The following AP2A2 variants were observed in gnomAD, a reference collection of about 807,000 sequenced individuals.
AP2A2 encodes AP-2 complex subunit alpha-2.
In AP2A2, 32 loss-of-function variants were observed where a neutral mutation model predicts 104.2. The ratio of observed to expected loss-of-function variants is 0.31; its 90% confidence interval spans 0.23 to 0.41. The LOEUF (loss-of-function observed/expected upper bound fraction) is 0.41. Among genes scored for constraint, AP2A2 ranks in the 10% least tolerant of loss-of-function variants. AP2A2 has a pLI of 1.00. For synonymous variants in AP2A2, 539 were observed against 533.3 expected (o/e 1.01, Z -0.15); for missense variants, 912 against 1,261.0 (o/e 0.72, Z 4.19).
In AP2A2 at chr11:984,749, C is replaced by G; in HGVS notation, c.810C>G (p.Pro270=). The change falls in exon 7 of 22, where the codon CCC becomes CCG. Residue 270 remains proline, a synonymous_variant. Coordinates refer to ENST00000448903, the MANE Select transcript of AP2A2 (RefSeq NM_012305.4). ...KLLRLLQCYP[P]PDPAVRGRLT... is the part of the protein sequence containing the mutation. Reference sequence around the variant, plus strand: ...TGAGACTGCTGCAGTGCTACCCACCCCCAGGTAACGCGCAGGCCGCGGCTC... The same window carrying G: ...TGAGACTGCTGCAGTGCTACCCACCGCCAGGTAACGCGCAGGCCGCGGCTC... 6.2e-7 allele frequency: 1 copy of G among 1,609,090 alleles called. No homozygotes were observed. The highest frequency in any genetic ancestry group is 8.5e-7 in the Non-Finnish European group (1 of 1,176,590).
intron 5 of AP2A2, among the ~76,000 whole-genome samples, chr11:979,936 A>T (rs879260644): frequency 5.3e-5 from 8 of 152,212 alleles, no homozygotes; most frequent in Non-Finnish European, 1.2e-4. Flanking sequence ...TATATTTTTT[A>T]AAAAAATTTA....
intron 5 of AP2A2, among the ~76,000 whole-genome samples, chr11:978,055 G>A (rs767954591): frequency 3.8e-4 from 58 of 152,220 alleles, no homozygotes; most frequent in Non-Finnish European, 7.5e-4. Context: ...CCGAAGCTGG[G>A]AAAGAGGAAA....
chr11:954,485 GTA>G (rs1485938935), intron 1 of AP2A2, among the ~76,000 whole-genome samples: 1 of 152,000 alleles, frequency 6.6e-6, no homozygotes, highest in African/African-American at 2.4e-5. Flanking sequence ...TTATATTTGT[GTA>G]TATATGTTGT....
chr11:984,281 T>G (rs1855370302), intron 6 of AP2A2, among the ~76,000 whole-genome samples: 1 of 151,922 alleles, frequency 6.6e-6, no homozygotes, highest in Non-Finnish European at 1.5e-5. Flanking sequence ...TGGGGTAGGG[T>G]CAGAATGCCG....
At chr11:1,009,990 G>A (rs978768807) in intron 21 of AP2A2, 173 bp downstream of exon 21, 124 of 736,880 alleles carry the variant, frequency 1.7e-4, no homozygotes, top group East Asian at 3.3e-4. Flanking sequence ...GCTGGCCACC[G>A]TGGAGCATCA....
chr11:960,462 T>A (rs1365145822), intron 2 of AP2A2, among the ~76,000 whole-genome samples: 2 of 152,136 alleles, frequency 1.3e-5, no homozygotes, highest in Non-Finnish European at 2.9e-5. Flanking sequence ...GGTCTCAAAC[T>A]CCTGGCCTCA....
Position 1,000,565 on chromosome 11 carries a change from C to A in AP2A2, c.2090C>A (p.Pro697His). The change falls in exon 15 of 22, where the codon CCT (proline) becomes CAT (histidine). Residue 697 changes from proline to histidine, a missense_variant. Around this residue, in one of 7 missense-constraint regions of AP2A2, gnomAD observed 239 missense variants for 329.8 expected, o/e 0.72. Coordinates refer to ENST00000448903, the MANE Select transcript of AP2A2 (RefSeq NM_012305.4). ...TCAGACTCGGCCTCTGTGGTCGCGC[C>A]TCTCGCTCCTGGCTCCGAAGACAAC... ...VFSDSASVVAPLAPGSEDNFA... is the reference protein window; with the variant it reads ...VFSDSASVVAHLAPGSEDNFA... 1 of 1,550,520 alleles carries A rather than the reference C, an allele frequency of 6.4e-7. No homozygotes were observed. The highest frequency in any genetic ancestry group is 2.4e-5 in the East Asian group (1 of 41,988).
intron 8 of AP2A2, 34 bp from the exon 9 acceptor site, chr11:986,751 G>A (rs1235957647): frequency 3.1e-6 from 5 of 1,604,642 alleles, no homozygotes; most frequent in South Asian, 1.1e-5. Context: ...CACTTGCTGA[G>A]GAAACCCCAC....
chr11:964,468 C>G (rs1373645770), intron 2 of AP2A2, among the ~76,000 whole-genome samples: 1 of 152,066 alleles, frequency 6.6e-6, no homozygotes, highest in Non-Finnish European at 1.5e-5. Flanking sequence ...TGCAGATGAA[C>G]AGGGCAGAAA....
intron 2 of AP2A2, among the ~76,000 whole-genome samples, chr11:962,356 C>A (rs987403310): frequency 1.3e-5 from 2 of 152,218 alleles, no homozygotes; most frequent in African/African-American, 4.8e-5. Context: ...AGATGAAATT[C>A]GAATGGGAGG....
At chr11:965,716 CT>C (rs1196222521) in intron 2 of AP2A2, among the ~76,000 whole-genome samples, 3 of 152,236 alleles carry the variant, frequency 2.0e-5, no homozygotes, top group Non-Finnish European at 2.9e-5. Context: ...GAAATCAGTG[CT>C]TATGTGCACC....
intron 6 of AP2A2, among the ~76,000 whole-genome samples, chr11:983,741 C>G (rs1035875706): frequency 1.3e-5 from 2 of 152,180 alleles, no homozygotes; most frequent in African/African-American, 4.8e-5. Flanking sequence ...ATATTTGTTT[C>G]AAATATATAC....
At position 1,009,751 on chromosome 11, in the gene AP2A2, A is replaced by T; in HGVS notation, c.2676A>T (p.Gly892=). 2 of 1,553,824 alleles carry T rather than the reference A, an allele frequency of 1.3e-6. No individual in the cohort carries two copies. The highest frequency in any genetic ancestry group is 1.7e-6 in the Non-Finnish European group (2 of 1,147,944). The part of the protein sequence containing the change: ...DPNPANFVGA[G]IIHTKTTQIG... ...ATCCTGCGAATTTCGTGGGAGCTGGAATCATCCACACGAAAACCACCCAGA... is the reference window on the plus strand; with the variant it reads ...ATCCTGCGAATTTCGTGGGAGCTGGTATCATCCACACGAAAACCACCCAGA... The change falls in exon 21 of 22, where the codon GGA becomes GGT. Residue 892 remains glycine, a synonymous_variant. Coordinates refer to ENST00000448903, the MANE Select transcript of AP2A2 (RefSeq NM_012305.4).
intron 7 of AP2A2, among the ~76,000 whole-genome samples, 166 bp downstream of exon 7, chr11:984,919 A>C (rs539701064): frequency 6.6e-6 from 1 of 152,358 alleles, no homozygotes; most frequent in South Asian, 2.1e-4. Context: ...TTCGTGGAGC[A>C]GTTATTGCAG....
intron 1 of AP2A2, among the ~76,000 whole-genome samples, chr11:935,602 A>ATTTTTTTTTTTTTTTTT (rs1589942821): frequency 1.2e-4 from 5 of 40,640 alleles, no homozygotes; most frequent in East Asian, 1.6e-3. Context: ...GTGCCCGGCC[A>ATTTTTTTTTTTTTTTTT]GTTTTTTTTT....
rs376911828 is a variant in AP2A2 at position 994,140 on chromosome 11, G to A, written c.1851G>A (p.Lys617=). The A allele has an allele frequency of 1.2e-5, 20 of 1,613,034 alleles. No homozygotes were observed. The highest frequency in any genetic ancestry group is 1.6e-5 in the Non-Finnish European group (19 of 1,179,852). ...CCTCCATCTTGGCAAAGCTCAAGAA[G>A]AAGAAGGGCCCCAGCACGGTGACAG... is the stretch of plus-strand genomic sequence containing the variant. ...RESSILAKLK[K]KKGPSTVTDL... Residue 617 remains lysine, a synonymous_variant, in exon 14 of 22, where the codon AAG becomes AAA. Coordinates refer to ENST00000448903, the MANE Select transcript of AP2A2 (RefSeq NM_012305.4).
At chr11:967,060 G>A (rs1854641684) in intron 2 of AP2A2, among the ~76,000 whole-genome samples, 1 of 152,036 alleles carries the variant, frequency 6.6e-6, no homozygotes, top group African/African-American at 2.4e-5. Flanking sequence ...CCAGCTACTC[G>A]GGAGGCAGAG....
intron 7 of AP2A2, 45 bp from the exon 8 acceptor site, chr11:985,390 C>T (rs749534002): frequency 1.3e-5 from 20 of 1,583,606 alleles, no homozygotes; most frequent in Middle Eastern, 1.7e-4. Context: ...GGGTGGGCTG[C>T]GGGCCACTGG....
In AP2A2 at chr11:994,360, G is replaced by A. The variant is rs1162207706; in HGVS notation, c.1956+115G>A. On this transcript the variant is annotated intron_variant, in intron 14 of 21. Transcript: ENST00000448903. ...GCATGTACTGAGAACCCAGGCTCTG[G>A]CTGTGGCTCTGGACACCCCGCTGTC... 5.1e-6 allele frequency: 7 copies of A among 1,362,178 alleles called. No homozygotes were observed. The South Asian group carries it at 9.6e-5, about 19-fold the overall frequency. 84.4% of individuals were successfully genotyped at this position (1,362,178 alleles called of 1,614,324 possible). A position where few individuals can be genotyped will look rare whatever the true frequency, so the allele number is the denominator to read the frequency against.
Sources: gnomAD v4.1 joint callset for allele counts (sites outside exome capture counted in the v4.1 genomes callset) on GRCh38, gnomAD v4.1.1 for gene constraint, gnomAD v4.1.1 regional missense constraint, MANE v1.5 for transcripts, NCBI Gene and HGNC (gene_info 2026-07-23, HGNC 2026-07-21) for gene names.